TRAK2: variants seen among roughly 807,000 people sequenced by gnomAD.
The protein encoded by TRAK2 is trafficking kinesin protein 2, also known as trafficking kinesin-binding protein 2.
In TRAK2, 81 loss-of-function variants were observed where a neutral mutation model predicts 104.6. The observed-to-expected ratio is 0.77, with a 90% CI of 0.65 to 0.93. The LOEUF (loss-of-function observed/expected upper bound fraction) is 0.93, where lower values mean the gene tolerates loss of function less well. Among genes scored for constraint, TRAK2 ranks in the 40% least tolerant of loss-of-function variants. The probability of loss-of-function intolerance (pLI) is 0.00; values close to 1 mark genes in which losing one functional copy is unlikely to be tolerated. For missense variants in TRAK2, 1,002 were observed against 1,089.0 expected (o/e 0.92, Z 1.12); for synonymous variants, 406 against 394.4 (o/e 1.03, Z -0.35).
In TRAK2 at chr2:201,387,918, T is replaced by C; in HGVS notation, c.1481A>G (p.Gln494Arg). 3.7e-6 allele frequency: 6 copies of C among 1,614,192 alleles called. No homozygotes were observed. Among genetic ancestry groups the C allele is most frequent in the Non-Finnish European group, 5.1e-6 (6 of 1,180,036 alleles). Residue 494 changes from glutamine to arginine, a missense_variant, in exon 13 of 16, where the codon CAA becomes CGA. Coordinates refer to ENST00000332624, the MANE Select transcript of TRAK2 (RefSeq NM_015049.3). ...GAACTGCTTCTCACTTAAATAGTTT[T>C]GTCGACGCAAGCTAAGGCGATGCAG... ...TALHRLSLRR[Q>R]NYLSEKQFFA... is the part of the protein sequence containing the mutation.
chr2:201,425,239 A>G (rs1270381918), intron 1 of TRAK2, among the ~76,000 whole-genome samples: 7 of 152,186 alleles, frequency 4.6e-5, no homozygotes, highest in African/African-American at 1.7e-4. Context: ...TAAATCAAAG[A>G]TTTCCTAGAT....
chr2:201,403,477 G>A (rs910422118), intron 3 of TRAK2, among the ~76,000 whole-genome samples: 5 of 152,020 alleles, frequency 3.3e-5, no homozygotes, highest in African/African-American at 1.2e-4. Flanking sequence ...TGTTTCTACC[G>A]CAGCCCCACT....
chr2:201,402,587 C>A (rs915212659), intron 3 of TRAK2, among the ~76,000 whole-genome samples: 18 of 152,086 alleles, frequency 1.2e-4, no homozygotes, highest in African/African-American at 4.1e-4. Context: ...ATAAGGGAAG[C>A]AGACTTTTGG....
intron 1 of TRAK2, among the ~76,000 whole-genome samples, chr2:201,426,061 T>C (rs1256510344): frequency 6.6e-6 from 1 of 152,232 alleles, no homozygotes; most frequent in Non-Finnish European, 1.5e-5. Context: ...ATCTTTGTTC[T>C]ACAGCAGGGG....
intron 15 of TRAK2, among the ~76,000 whole-genome samples, chr2:201,383,108 T>C (rs543569394): frequency 3.0e-4 from 46 of 152,342 alleles, no homozygotes; most frequent in African/African-American, 1.1e-3. Context: ...TTTTGGGAAT[T>C]GTTAGGATAG....
At chr2:201,400,431 G>A (rs919744268) in intron 4 of TRAK2, among the ~76,000 whole-genome samples, 5 of 151,868 alleles carry the variant, frequency 3.3e-5, no homozygotes, top group Admixed American at 6.6e-5. Flanking sequence ...TTAAATAATC[G>A]CTAAATGGCA....
At chr2:201,388,255 A>G (rs1213716340) in intron 12 of TRAK2, among the ~76,000 whole-genome samples, 1 of 152,220 alleles carries the variant, frequency 6.6e-6, no homozygotes, top group Non-Finnish European at 1.5e-5. Context: ...TGAATTTTCT[A>G]TTTCATTTAA....
At chr2:201,412,598 G>A (rs11902980) in intron 2 of TRAK2, 61,527 of 1,488,282 alleles carry the variant, frequency 0.041, 4,245 homozygotes, top group East Asian at 0.27. Flanking sequence ...CTCACATAAA[G>A]TATGTATTCA....
At chr2:201,394,126 G>C (rs1421331481) in intron 9 of TRAK2, among the ~76,000 whole-genome samples, 1 of 152,078 alleles carries the variant, frequency 6.6e-6, no homozygotes, top group Non-Finnish European at 1.5e-5. Flanking sequence ...TAGAAAGTAA[G>C]AGATTTTTTG....
At chr2:201,451,089 T>A (rs993852387) in intron 1 of TRAK2, among the ~76,000 whole-genome samples, 1 of 152,174 alleles carries the variant, frequency 6.6e-6, no homozygotes, top group Non-Finnish European at 1.5e-5. Context: ...TAAGGCGCTA[T>A]GAGAAGCTGC....
At chr2:201,413,360 G>T (rs951071561) in intron 2 of TRAK2, 2 of 767,286 alleles carry the variant, frequency 2.6e-6, no homozygotes, top group African/African-American at 1.8e-5. Context: ...TTCCAGGAGG[G>T]GCAGAACTGG....
chr2:201,386,295 TC>T lies in TRAK2; in HGVS notation c.1885del (p.Glu629LysfsTer10), dbSNP rs1202817637. On this transcript the variant is annotated frameshift_variant, in exon 14 of 16. Transcript: ENST00000332624. LOFTEE classifies it high-confidence loss of function. ...TFQVQQPLEV[E>X]EKLSTSKPVT... ...TGGCTTGGATGTTGAAAGTTTCTCT[TC>T]CACTTCAAGAGGTTGCTGAACCTGA... 1 of 1,614,136 alleles carries T rather than the reference TC, an allele frequency of 6.2e-7. No homozygotes were observed. Among genetic ancestry groups the T allele is most frequent in the Non-Finnish European group, 8.5e-7 (1 of 1,180,008 alleles).
intron 1 of TRAK2, among the ~76,000 whole-genome samples, chr2:201,437,951 T>A (rs550996327): frequency 6.6e-6 from 1 of 152,338 alleles, no homozygotes; most frequent in Non-Finnish European, 1.5e-5. Context: ...GTAGTCCACT[T>A]GGCAGTTGTA....
chr2:201,402,017 T>C (rs1171813354), intron 3 of TRAK2, among the ~76,000 whole-genome samples: 1 of 152,102 alleles, frequency 6.6e-6, no homozygotes, highest in African/African-American at 2.4e-5. Context: ...TAAATTTTAG[T>C]GAGCTGGAAC....
chr2:201,422,650 C>T (rs1175301535), intron 1 of TRAK2, among the ~76,000 whole-genome samples: 1 of 151,080 alleles, frequency 6.6e-6, no homozygotes, highest in Admixed American at 6.6e-5. Flanking sequence ...CAGAATTAAA[C>T]GTTATACAAA....
At chr2:201,421,357 A>C (rs774090126) in intron 1 of TRAK2, among the ~76,000 whole-genome samples, 1 of 152,240 alleles carries the variant, frequency 6.6e-6, no homozygotes, top group Admixed American at 6.5e-5. Context: ...AAAACTCAAG[A>C]ATTACAGATA....
At chr2:201,406,121 G>A (rs765236112) in intron 3 of TRAK2, among the ~76,000 whole-genome samples, 18 of 152,172 alleles carry the variant, frequency 1.2e-4, no homozygotes, top group African/African-American at 3.1e-4. Context: ...AAACTAAAAC[G>A]TCAAGAAAGC....
Position 201,386,497 on chromosome 2 carries a change from A to C in TRAK2, c.1697-13T>G, listed in dbSNP as rs765600176. On this transcript the variant is annotated splice_polypyrimidine_tract_variant and intron_variant, in intron 13 of 15. Coordinates refer to ENST00000332624, the MANE Select transcript of TRAK2 (RefSeq NM_015049.3). ...AGAGTTTGTGATCCTGAATATGCAA[A>C]ACAAAGGAAGGGGAAAGGCATGTTT... The C allele has an allele frequency of 4.3e-6, 7 of 1,611,422 alleles. No homozygotes were observed. In the Admixed American group the frequency reaches 1.2e-4, roughly 27 times the overall value.
intron 8 of TRAK2, 94 bp from the exon 9 acceptor site, chr2:201,394,966 G>C (rs1048589326): frequency 2.7e-6 from 3 of 1,112,504 alleles, no homozygotes; most frequent in South Asian, 2.9e-5. Context: ...TTCTCTCTGG[G>C]GTATCATCTT....
Sources: allele counts gnomAD v4.1 joint callset (sites outside exome capture counted in the v4.1 genomes callset), GRCh38; gene constraint gnomAD v4.1.1; transcripts MANE v1.5; gene names NCBI Gene and HGNC (gene_info 2026-07-23, HGNC 2026-07-21).